The following RBPJ variants were observed in gnomAD, a reference collection of about 807,000 sequenced individuals.
The protein encoded by RBPJ is recombination signal binding protein for immunoglobulin kappa J region, also known as recombining binding protein suppressor of hairless.
A neutral mutation model predicts 67.8 loss-of-function variants in RBPJ; 9 were observed. That is an observed-to-expected ratio of 0.13 (90% CI 0.08 to 0.23). The LOEUF (loss-of-function observed/expected upper bound fraction) is 0.23, where lower values mean the gene tolerates loss of function less well. Ranked by LOEUF, RBPJ falls within the 10% of genes least tolerant of loss-of-function variation. The probability of loss-of-function intolerance (pLI) is 1.00; values close to 1 mark genes in which losing one functional copy is unlikely to be tolerated. For missense variants in RBPJ, 305 were observed against 595.6 expected (o/e 0.51, Z 5.08); for synonymous variants, 198 against 203.3 (o/e 0.97, Z 0.22).
At chr4:26,341,338 G>C (rs1291753210) in intron 1 of RBPJ, among the ~76,000 whole-genome samples, 1 of 152,212 alleles carries the variant, frequency 6.6e-6, no homozygotes, top group East Asian at 1.9e-4. Context: ...CCACTGGCTG[G>C]CTGCGGTGGC....
chr4:26,151,124 G>A, the RBPJ span, among the ~76,000 whole-genome samples: 1 of 152,182 alleles, frequency 6.6e-6, no homozygotes, highest in Non-Finnish European at 1.5e-5. Flanking sequence ...AAATGGCACC[G>A]AAGCAGCAGA....
intron 1 of RBPJ, among the ~76,000 whole-genome samples, chr4:26,274,319 T>A (rs977977164): frequency 2.0e-5 from 3 of 152,182 alleles, no homozygotes; most frequent in African/African-American, 4.8e-5. Flanking sequence ...AGAGAAGGTA[T>A]GATTTTTGAT....
chr4:26,420,532 C>CT lies in RBPJ; in HGVS notation c.322-16dup. On this transcript the variant is annotated intron_variant, in intron 4 of 10. Transcript: ENST00000355476. ...AAACAAGGTTTTGCTGCTGTTAAAA[C>CT]TTTACTTTTCTTTCACAGAACTATT... The CT allele has an allele frequency of 6.4e-7, 1 of 1,562,114 alleles. No individual in the cohort carries two copies. The highest frequency in any genetic ancestry group is 8.7e-7 in the Non-Finnish European group (1 of 1,153,532).
At chr4:26,345,014 T>C (rs1392865757) in intron 1 of RBPJ, among the ~76,000 whole-genome samples, 3 of 152,248 alleles carry the variant, frequency 2.0e-5, no homozygotes, top group African/African-American at 7.2e-5. Context: ...TTAGTCTCGT[T>C]CTTCCTACAA....
chr4:26,140,576 G>A, the RBPJ span, among the ~76,000 whole-genome samples: 6 of 151,868 alleles, frequency 4.0e-5, no homozygotes, highest in African/African-American at 1.5e-4. Context: ...CACAGTCAGT[G>A]ACAAAAGAGC....
chr4:26,319,547 C>T (rs1351494472), upstream of RBPJ: 4 of 365,464 alleles, frequency 1.1e-5, no homozygotes, highest in South Asian at 2.8e-5. Flanking sequence ...CTGGTCTAGG[C>T]AAACACCTGT....
chr4:26,273,696 G>T (rs549069566), intron 1 of RBPJ, among the ~76,000 whole-genome samples: 2 of 152,302 alleles, frequency 1.3e-5, no homozygotes, highest in African/African-American at 4.8e-5. Context: ...TCACTCAACT[G>T]CCTCCCTCCC....
intron 1 of RBPJ, among the ~76,000 whole-genome samples, chr4:26,216,655 T>C (rs558707702): frequency 1.3e-5 from 2 of 152,152 alleles, no homozygotes; most frequent in South Asian, 4.2e-4. Flanking sequence ...TGGCTCATGC[T>C]TGTAATCCCA....
chr4:26,307,585 A>G (rs944936887), intron 1 of RBPJ, among the ~76,000 whole-genome samples: 7 of 152,238 alleles, frequency 4.6e-5, no homozygotes, highest in African/African-American at 1.7e-4. Flanking sequence ...TTTGCATTTC[A>G]TAAGAACATT....
At position 26,431,087 on chromosome 4, in the gene RBPJ, T is replaced by A. The variant is rs77760317; in HGVS notation, c.*80T>A. On this transcript the variant is annotated 3_prime_UTR_variant, in exon 11 of 11. Coordinates refer to ENST00000355476, the MANE Select transcript of RBPJ (RefSeq NM_015874.6). ...AAAAAGGAGAAAAAATGAACAATCG[T>A]TTGTGGTTTCTTGGGAAAACTTTTC... is the stretch of plus-strand genomic sequence containing the variant. The A allele has an allele frequency of 1.0e-3, 1,376 of 1,338,816 alleles. 10 individuals are homozygous for A. In the African/African-American group the frequency reaches 0.018, roughly 18 times the overall value. 82.9% of individuals were successfully genotyped at this position (1,338,816 alleles called of 1,614,324 possible).
chr4:26,397,876 G>A (rs1335057923), intron 2 of RBPJ, among the ~76,000 whole-genome samples: 9 of 152,152 alleles, frequency 5.9e-5, no homozygotes, highest in South Asian at 2.1e-4. Context: ...CTTGTGATCC[G>A]CCTGCGTCGG....
intron 1 of RBPJ, among the ~76,000 whole-genome samples, chr4:26,312,488 C>T (rs1722466321): frequency 6.6e-6 from 1 of 152,092 alleles, no homozygotes; most frequent in African/African-American, 2.4e-5. Flanking sequence ...TGTACATCAA[C>T]CCCCCACCTG....
chr4:26,381,725 T>C (rs1426444404), intron 1 of RBPJ, among the ~76,000 whole-genome samples: 2 of 152,154 alleles, frequency 1.3e-5, no homozygotes, highest in East Asian at 1.9e-4. Context: ...ATACAGAACA[T>C]AGAGCAAGAA....
chr4:26,216,030 A>C (rs1177085922), intron 1 of RBPJ, among the ~76,000 whole-genome samples: 1 of 152,130 alleles, frequency 6.6e-6, no homozygotes, highest in Non-Finnish European at 1.5e-5. Flanking sequence ...CCTATCGCCA[A>C]AGACCCCGGG....
intron 1 of RBPJ, among the ~76,000 whole-genome samples, chr4:26,199,948 C>T (rs1382294499): frequency 1.3e-5 from 2 of 152,152 alleles, no homozygotes; most frequent in East Asian, 3.9e-4. Flanking sequence ...TCTGTAAATG[C>T]TTCTTGGGGA....
At chr4:26,425,143 CAGA>C (rs1735508940) in intron 7 of RBPJ, 1 of 235,080 alleles carries the variant, frequency 4.3e-6, no homozygotes, top group Non-Finnish European at 8.1e-6. Context: ...AGTTTGCAAA[CAGA>C]AGACATTCTT....
At chr4:26,270,382 AAAGAAAGAAAGAAAGAAAGAAAG>A (rs1720848341) in intron 1 of RBPJ, among the ~76,000 whole-genome samples, 1 of 55,378 alleles carries the variant, frequency 1.8e-5, no homozygotes, top group Non-Finnish European at 4.0e-5. Context: ...AGAAAGAAAG[AAAGAAAGAAAGAAAGAAAGAAAG>A]AAAGAAAGAA....
At chr4:26,159,923 CT>C (rs1553843605), upstream of RBPJ, among the ~76,000 whole-genome samples, 46 of 141,266 alleles carry the variant, frequency 3.3e-4, no homozygotes, top group South Asian at 4.4e-4. Flanking sequence ...CTCTCTCTCT[CT>C]TTTTTTTTTT....
At chr4:26,316,599 T>G (rs192530421), upstream of RBPJ, among the ~76,000 whole-genome samples, 144 of 139,332 alleles carry the variant, frequency 1.0e-3, no homozygotes, top group East Asian at 0.027. Context: ...ATATATAATA[T>G]ATATATACAC....
Sources: gnomAD v4.1 joint callset for allele counts (sites outside exome capture counted in the v4.1 genomes callset) on GRCh38, gnomAD v4.1.1 for gene constraint, MANE v1.5 for transcripts, NCBI Gene and HGNC (gene_info 2026-07-23, HGNC 2026-07-21) for gene names.